LHFPL3: variants seen among roughly 807,000 people sequenced by gnomAD.
The protein encoded by LHFPL3 is LHFPL tetraspan subfamily member 3, also known as LHFPL tetraspan subfamily member 3 protein.
Under a neutral mutation model 19.3 loss-of-function variants are expected in LHFPL3, and 5 were observed. That is an observed-to-expected ratio of 0.26 (90% CI 0.14 to 0.54). The LOEUF is 0.54. Among genes scored for constraint, LHFPL3 ranks in the 20% least tolerant of loss-of-function variants. The pLI, the probability that LHFPL3 is intolerant of heterozygous loss-of-function variation, is 0.94. For synonymous variants in LHFPL3, 133 were observed against 126.2 expected, an observed-to-expected ratio of 1.05 and a Z score of -0.36; for missense variants, 249 against 307.4, an observed-to-expected ratio of 0.81 and a Z score of 1.42.
intron 1 of LHFPL3, among the ~76,000 whole-genome samples, chr7:104,525,662 A>G (rs1794174574): frequency 6.8e-6 from 1 of 146,710 alleles, no homozygotes; most frequent in African/African-American, 2.6e-5. Context: ...GCTGGAGTGC[A>G]GTGGTGTGAT....
At chr7:104,628,014 T>C (rs916006434) in intron 1 of LHFPL3, among the ~76,000 whole-genome samples, 6 of 152,292 alleles carry the variant, frequency 3.9e-5, no homozygotes, top group African/African-American at 1.4e-4. Context: ...CTATAATCAT[T>C]AAATGTGATA....
At chr7:104,389,758 G>C (rs1196460550) in intron 1 of LHFPL3, among the ~76,000 whole-genome samples, 2 of 152,054 alleles carry the variant, frequency 1.3e-5, no homozygotes, top group Non-Finnish European at 2.9e-5. Context: ...CCATTCTATA[G>C]AGAAAGAAAA....
At chr7:104,453,961 G>A (rs1432891755) in intron 1 of LHFPL3, among the ~76,000 whole-genome samples, 1 of 152,178 alleles carries the variant, frequency 6.6e-6, no homozygotes, top group Non-Finnish European at 1.5e-5. Flanking sequence ...CTGCAGAACT[G>A]TGAGCCACTT....
chr7:104,429,384 T>G (rs905365421), intron 1 of LHFPL3, among the ~76,000 whole-genome samples: 10 of 143,738 alleles, frequency 7.0e-5, no homozygotes, highest in Non-Finnish European at 3.0e-5. Context: ...CTTGGCTCAC[T>G]GCAACCTCCT....
At chr7:104,570,980 C>T (rs1790220399) in intron 1 of LHFPL3, among the ~76,000 whole-genome samples, 2 of 152,276 alleles carry the variant, frequency 1.3e-5, no homozygotes, top group African/African-American at 4.8e-5. Flanking sequence ...AGACATTTTC[C>T]TATTACTCAA....
intron 2 of LHFPL3, among the ~76,000 whole-genome samples, chr7:104,841,944 G>A (rs1791218760): frequency 1.3e-5 from 2 of 152,124 alleles, no homozygotes; most frequent in South Asian, 4.2e-4. Flanking sequence ...GAGGCCGGAT[G>A]AGGCTTCATT....
At chr7:104,374,206 ATATGTGTGTGTGTGTG>A (rs889883546) in intron 1 of LHFPL3, among the ~76,000 whole-genome samples, 2 of 81,194 alleles carry the variant, frequency 2.5e-5, no homozygotes, top group Non-Finnish European at 5.7e-5. Flanking sequence ...ATCTATCTAT[ATATGTGTGTGTGTGTG>A]TGTGTGTGTG....
chr7:104,424,150 A>G (rs1321674655), intron 1 of LHFPL3, among the ~76,000 whole-genome samples: 5 of 152,248 alleles, frequency 3.3e-5, no homozygotes. Context: ...TGTTTTTCAT[A>G]TTAAGTTTCT....
intron 2 of LHFPL3, among the ~76,000 whole-genome samples, chr7:104,776,134 T>G (rs1223888540): frequency 6.6e-6 from 1 of 152,192 alleles, no homozygotes; most frequent in Non-Finnish European, 1.5e-5. Flanking sequence ...GAAGCTTCAT[T>G]GTGGTGAACA....
intron 2 of LHFPL3, among the ~76,000 whole-genome samples, chr7:104,897,211 A>G (rs997947330): frequency 1.3e-5 from 2 of 152,200 alleles, no homozygotes; most frequent in Non-Finnish European, 2.9e-5. Flanking sequence ...ATTTGTGGCT[A>G]ACCAGTGTCA....
At chr7:104,476,337 A>C (rs1328480811) in intron 1 of LHFPL3, among the ~76,000 whole-genome samples, 1 of 152,166 alleles carries the variant, frequency 6.6e-6, no homozygotes, top group African/African-American at 2.4e-5. Context: ...ATTGTTCTTG[A>C]CTGTTGTTGC....
At chr7:104,407,294 G>A (rs139770182) in intron 1 of LHFPL3, among the ~76,000 whole-genome samples, 44 of 152,292 alleles carry the variant, frequency 2.9e-4, no homozygotes, top group African/African-American at 1.0e-3. Context: ...TTTAACAATA[G>A]ATAGGGCAAG....
intron 1 of LHFPL3, among the ~76,000 whole-genome samples, chr7:104,705,200 T>C (rs1023374692): frequency 6.6e-6 from 1 of 152,232 alleles, no homozygotes; most frequent in Admixed American, 6.5e-5. Context: ...AACAATTGTT[T>C]AATATAAAAA....
At chr7:104,819,963 T>C (rs561114484) in intron 2 of LHFPL3, among the ~76,000 whole-genome samples, 26 of 152,280 alleles carry the variant, frequency 1.7e-4, no homozygotes, top group Admixed American at 3.9e-4. Context: ...AACGAGCCGA[T>C]TGTGATCTCT....
At chr7:104,527,213 T>A (rs1219553559) in intron 1 of LHFPL3, among the ~76,000 whole-genome samples, 1 of 152,158 alleles carries the variant, frequency 6.6e-6, no homozygotes, top group Non-Finnish European at 1.5e-5. Context: ...TAGCACCTTG[T>A]AGGCTATGTC....
chr7:104,651,757 G>A (rs1792037882), intron 1 of LHFPL3, among the ~76,000 whole-genome samples: 1 of 152,194 alleles, frequency 6.6e-6, no homozygotes, highest in Admixed American at 6.5e-5. Context: ...TGCCCATGAA[G>A]CACATCAGAG....
chr7:104,331,064 T>G (rs1322373604), intron 1 of LHFPL3, among the ~76,000 whole-genome samples: 2 of 152,248 alleles, frequency 1.3e-5, no homozygotes, highest in East Asian at 3.8e-4. Flanking sequence ...GGTTTCCTAC[T>G]CTAACCCCCC....
intron 1 of LHFPL3, among the ~76,000 whole-genome samples, chr7:104,587,827 T>A (rs1480321702): frequency 2.0e-5 from 3 of 152,164 alleles, no homozygotes; most frequent in African/African-American, 7.2e-5. Context: ...TGGTGTGAGA[T>A]GGTATCTCAT....
intron 2 of LHFPL3, among the ~76,000 whole-genome samples, chr7:104,769,243 C>A (rs1163762216): frequency 6.6e-6 from 1 of 152,126 alleles, no homozygotes; most frequent in East Asian, 1.9e-4. Flanking sequence ...TAAGAAGGGA[C>A]CAGGAAGAGC....
Sources: gnomAD v4.1 joint callset for allele counts (sites outside exome capture counted in the v4.1 genomes callset) on GRCh38, gnomAD v4.1.1 for gene constraint, MANE v1.5 for transcripts, NCBI Gene and HGNC (gene_info 2026-07-23, HGNC 2026-07-21) for gene names.